The following TFDP2 variants were observed in gnomAD, a reference collection of about 807,000 sequenced individuals.
TFDP2 encodes transcription factor Dp-2 (E2F dimerization partner 2).
TFDP2 carries 17 observed loss-of-function variants against 59.3 expected under a neutral mutation model. The observed-to-expected ratio is 0.29, with a 90% CI of 0.20 to 0.43. The LOEUF (loss-of-function observed/expected upper bound fraction) is 0.43. Among genes scored for constraint, TFDP2 ranks in the 20% least tolerant of loss-of-function variants. The pLI is 1.00. For missense variants in TFDP2, 391 were observed against 528.8 expected (o/e 0.74, Z 2.56); for synonymous variants, 180 against 194.7 (o/e 0.92, Z 0.63).
chr3:142,099,436 T>A (rs1353683389), intron 2 of TFDP2, among the ~76,000 whole-genome samples: 1 of 152,142 alleles, frequency 6.6e-6, no homozygotes, highest in Non-Finnish European at 1.5e-5. Context: ...GCGCGGTGGC[T>A]CACACTTATA....
intron 3 of TFDP2, among the ~76,000 whole-genome samples, chr3:142,078,490 T>C (rs914456753): frequency 6.6e-6 from 1 of 152,220 alleles, no homozygotes; most frequent in African/African-American, 2.4e-5. Context: ...AGTTTCTGCC[T>C]GGTAAACCAG....
chr3:141,968,297 T>C (rs1297204186), intron 9 of TFDP2, among the ~76,000 whole-genome samples: 59 of 129,046 alleles, frequency 4.6e-4, no homozygotes, highest in Non-Finnish European at 8.4e-4. Context: ...ATATATATAA[T>C]ATATAATATA....
intron 3 of TFDP2, among the ~76,000 whole-genome samples, chr3:142,077,125 G>A (rs2060484581): frequency 6.6e-6 from 1 of 152,158 alleles, no homozygotes; most frequent in South Asian, 2.1e-4. Context: ...TACCCACAGA[G>A]GGAACATATA....
intron 1 of TFDP2, among the ~76,000 whole-genome samples, chr3:142,129,347 A>G (rs1232243074): frequency 6.6e-6 from 1 of 152,160 alleles, no homozygotes; most frequent in Non-Finnish European, 1.5e-5. Context: ...AATTAAAGAA[A>G]AAACAAAAAT....
intron 10 of TFDP2, among the ~76,000 whole-genome samples, chr3:141,963,188 T>C (rs2107905014): frequency 6.6e-6 from 1 of 152,302 alleles, no homozygotes; most frequent in East Asian, 1.9e-4. Context: ...AGAAACTTTT[T>C]CATGAATGGT....
chr3:142,050,830 A>G (rs1044505831), intron 3 of TFDP2, among the ~76,000 whole-genome samples: 3 of 148,480 alleles, frequency 2.0e-5, no homozygotes, highest in African/African-American at 5.0e-5. Context: ...CCTGGGTGAC[A>G]GAGTGAGACT....
At chr3:141,986,459 T>C (rs1422261594) in intron 6 of TFDP2, among the ~76,000 whole-genome samples, 1 of 152,250 alleles carries the variant, frequency 6.6e-6, no homozygotes, top group Non-Finnish European at 1.5e-5. Context: ...TACCCTTTTG[T>C]ATCTGACAAC....
intron 3 of TFDP2, among the ~76,000 whole-genome samples, chr3:142,065,791 C>T (rs2060058077): frequency 6.6e-6 from 1 of 152,040 alleles, no homozygotes. Flanking sequence ...GGGATTTGGA[C>T]ACCTGCCAAA....
At chr3:142,119,034 G>A (rs541115269) in intron 1 of TFDP2, among the ~76,000 whole-genome samples, 11 of 152,152 alleles carry the variant, frequency 7.2e-5, no homozygotes, top group African/African-American at 2.6e-4. Flanking sequence ...AGTGGCAGGC[G>A]CCTGTAATCC....
intron 11 of TFDP2, among the ~76,000 whole-genome samples, chr3:141,959,237 T>C (rs1937062892): frequency 6.6e-6 from 1 of 152,156 alleles, no homozygotes; most frequent in South Asian, 2.1e-4. Flanking sequence ...ATTACAGGTG[T>C]GAGCTGCAGC....
chr3:142,086,841 C>T (rs73233851), intron 3 of TFDP2, among the ~76,000 whole-genome samples: 12,964 of 152,238 alleles, frequency 0.085, 696 homozygotes, highest in Middle Eastern at 0.14. Flanking sequence ...TTTCTGGTGA[C>T]TAGCCCCCAT....
At chr3:141,966,167 A>T (rs893238156) in intron 9 of TFDP2, among the ~76,000 whole-genome samples, 1 of 151,922 alleles carries the variant, frequency 6.6e-6, no homozygotes, top group East Asian at 1.9e-4. Context: ...TGTTTTTATT[A>T]TTATTATTTA....
intron 6 of TFDP2, among the ~76,000 whole-genome samples, chr3:141,983,499 G>A (rs1418451549): frequency 1.3e-5 from 2 of 151,928 alleles, no homozygotes; most frequent in East Asian, 1.9e-4. Context: ...TTAGCTGGAC[G>A]TGGTGGTACA....
intron 3 of TFDP2, among the ~76,000 whole-genome samples, chr3:142,023,479 C>T (rs1187391108): frequency 6.6e-6 from 1 of 152,018 alleles, no homozygotes; most frequent in African/African-American, 2.4e-5. Context: ...GCGTGAACCA[C>T]CACGCCTGGC....
In TFDP2 at chr3:142,018,929, G is replaced by GTTTTT. The variant is rs62753560; in HGVS notation, c.83-13390_83-13386dup. ...ATGTCCACCTATTGGTTTTTGGTGA[G>GTTTTT]TTTTTTTTTTTTTTTTTGGTAGAAC... On this transcript the variant is annotated intron_variant, in intron 3 of 12. Coordinates refer to ENST00000489671, the MANE Select transcript of TFDP2 (RefSeq NM_001178139.2). Among the ~76,000 whole-genome samples, 848 of 125,126 alleles carry GTTTTT rather than the reference G, an allele frequency of 6.8e-3. 40 individuals carry two copies. Among genetic ancestry groups the GTTTTT allele is most frequent in the African/African-American group, 0.022 (729 of 32,510 alleles). 82.1% of individuals were successfully genotyped at this position (125,126 alleles called of 152,430 possible). A position where few individuals can be genotyped will look rare whatever the true frequency, so the allele number is the denominator to read the frequency against.
intron 1 of TFDP2, among the ~76,000 whole-genome samples, chr3:142,136,387 T>C (rs1319990872): frequency 2.0e-5 from 3 of 152,144 alleles, no homozygotes; most frequent in Non-Finnish European, 4.4e-5. Context: ...TTCACTCTGA[T>C]GGCAGTTTCT....
In TFDP2 at chr3:141,978,701, T is replaced by G; in HGVS notation, c.357-19A>C. The G allele has an allele frequency of 6.3e-7, 1 of 1,578,700 alleles. No homozygotes were observed. The highest frequency in any genetic ancestry group is 1.2e-5 in the South Asian group (1 of 85,812). ...TCGTTTACTAGAAGGGAAAAAAGTT[T>G]TTTTTACTCCATTATACATATTAGA... On this transcript the variant is annotated intron_variant, in intron 6 of 12. Coordinates refer to ENST00000489671, the MANE Select transcript of TFDP2 (RefSeq NM_001178139.2).
chr3:141,977,779 T>C lies in TFDP2; in HGVS notation c.519+741A>G, dbSNP rs1047204810. Among the ~76,000 whole-genome samples, 19 of 151,868 alleles carry C rather than the reference T, an allele frequency of 1.3e-4. No individual in the cohort carries two copies. The East Asian group carries it at 3.1e-3, about 25-fold the overall frequency. On this transcript the variant is annotated intron_variant, in intron 7 of 12. Coordinates refer to ENST00000489671, the MANE Select transcript of TFDP2 (RefSeq NM_001178139.2). ...AGGCTGGAGTACAGTGGTGCGATCTTGGCTTACTGCAACCTCCGCCTCCCA... is the reference window on the plus strand; with the variant it reads ...AGGCTGGAGTACAGTGGTGCGATCTCGGCTTACTGCAACCTCCGCCTCCCA...
chr3:142,038,369 G>C (rs1288410391), intron 3 of TFDP2, among the ~76,000 whole-genome samples: 1 of 130,414 alleles, frequency 7.7e-6, no homozygotes, highest in Non-Finnish European at 1.5e-5. Flanking sequence ...GGGCGACAGA[G>C]CGAGACTCCA....
Sources: allele counts gnomAD v4.1 joint callset (sites outside exome capture counted in the v4.1 genomes callset), GRCh38; gene constraint gnomAD v4.1.1; transcripts MANE v1.5; gene names NCBI Gene and HGNC (gene_info 2026-07-23, HGNC 2026-07-21).